RNASET2: variants seen among roughly 807,000 people sequenced by gnomAD.
RNASET2 encodes ribonuclease 6.
Under a neutral mutation model 33.9 loss-of-function variants are expected in RNASET2, and 28 were observed. That is an observed-to-expected ratio of 0.83 (90% CI 0.61 to 1.13). The LOEUF is 1.13. Among genes scored for constraint, RNASET2 ranks in the 50% most tolerant of loss-of-function variants. The pLI is 0.00. For synonymous variants in RNASET2, 123 were observed against 121.0 expected (o/e 1.02, Z -0.11); for missense variants, 330 against 319.9 (o/e 1.03, Z -0.24).
In RNASET2 at chr6:166,931,123, T is replaced by G; in HGVS notation, c.493-5A>C. On this transcript the variant is annotated splice_polypyrimidine_tract_variant and splice_region_variant and intron_variant, in intron 7 of 8. Coordinates refer to ENST00000508775, the MANE Select transcript of RNASET2 (RefSeq NM_003730.6). ...GGCATCTTTAAAATCTGCAACCTGA[T>G]TTTAAATACAAGTGTATTAGAAATT... 1.3e-6 allele frequency: 2 copies of G among 1,585,132 alleles called. No individual in the cohort carries two copies. The highest frequency in any genetic ancestry group is 1.3e-5 in the African/African-American group (1 of 74,192).
At position 166,944,578 on chromosome 6, in the gene RNASET2, C is replaced by G. The variant is rs935290661; in HGVS notation, c.262-1489G>C. On this transcript the variant is annotated intron_variant, in intron 4 of 8. Coordinates refer to ENST00000508775, the MANE Select transcript of RNASET2 (RefSeq NM_003730.6). ...ATTGAGTGTGCAAATTGGGCTACTTCCGTTTGGGACAATGCAAAGGTGTTC... is the reference window on the plus strand; with the variant it reads ...ATTGAGTGTGCAAATTGGGCTACTTGCGTTTGGGACAATGCAAAGGTGTTC... 5.9e-5 allele frequency among the ~76,000 whole-genome samples: 9 copies of G among 151,296 alleles called. No homozygotes were observed. In the Admixed American group the frequency reaches 5.9e-4, roughly 10 times the overall value.
intron 1 of RNASET2, among the ~76,000 whole-genome samples, chr6:166,955,079 A>G (rs1779074044): frequency 6.6e-6 from 1 of 152,230 alleles, no homozygotes; most frequent in East Asian, 1.9e-4. Flanking sequence ...AATAGAAAGA[A>G]ATAATATGGT....
In RNASET2 at chr6:166,929,536, G is replaced by C; in HGVS notation, c.*52C>G. 1 of 1,579,850 alleles carries C rather than the reference G, an allele frequency of 6.3e-7. No individual in the cohort carries two copies. ...TGGAGTTGTTTTTTAGAAAGCTGCA[G>C]TTTGTGAATTTCTCTTGCTTTTTAA... On this transcript the variant is annotated 3_prime_UTR_variant, in exon 9 of 9. Transcript: ENST00000508775.
In RNASET2 at chr6:166,933,208, C is replaced by T. The variant is rs190271865; in HGVS notation, c.492+883G>A. Reference sequence around the variant, plus strand: ...AAGGCAAGAGTCTGCAAACATTTTCCGTAAAGGTCCACGTCGTAAATATCC... The same window carrying T: ...AAGGCAAGAGTCTGCAAACATTTTCTGTAAAGGTCCACGTCGTAAATATCC... On this transcript the variant is annotated intron_variant, in intron 7 of 8. Transcript: ENST00000508775. The surrounding 1 kb of genome is among the most constrained non-coding windows in gnomAD (Gnocchi z 4.1). 1.9e-4 allele frequency among the ~76,000 whole-genome samples: 29 copies of T among 152,274 alleles called. No homozygotes were observed. The highest frequency in any genetic ancestry group is 7.2e-4 in the Admixed American group (11 of 15,302).
intron 5 of RNASET2, among the ~76,000 whole-genome samples, chr6:166,939,842 T>C (rs1778655482): frequency 6.6e-6 from 1 of 152,364 alleles, no homozygotes; most frequent in Admixed American, 6.5e-5. Context: ...TGAACAGCAA[T>C]TTGTATTCCA....
chr6:166,943,606 T>C lies in RNASET2; in HGVS notation c.262-517A>G, dbSNP rs944778213. The stretch of plus-strand genomic sequence containing the variant: ...GGCCAGCGGCTGCTCCAGAGCACAC[T>C]GGGTGGGACTTGCTCTCCTGCATTT... On this transcript the variant is annotated intron_variant, in intron 4 of 8. Coordinates refer to ENST00000508775, the MANE Select transcript of RNASET2 (RefSeq NM_003730.6). The C allele has an allele frequency of 1.0e-4, 36 of 349,822 alleles. 1 individual carries two copies. Among genetic ancestry groups the C allele is most frequent in the Non-Finnish European group, 1.8e-4 (31 of 175,226 alleles). 21.7% of individuals were successfully genotyped at this position (349,822 alleles called of 1,614,324 possible).
In RNASET2 at chr6:166,923,612, C is replaced by G; in HGVS notation, c.*5976G>C. On this transcript the variant is annotated 3_prime_UTR_variant, in exon 9 of 9. Coordinates refer to ENST00000508775, the MANE Select transcript of RNASET2 (RefSeq NM_003730.6). ...AAATGGAAGGCCCATTACAGTCACT[C>G]AGAAAAAAAAAATAGAATTCTTATC... Among the ~76,000 whole-genome samples the G allele has an allele frequency of 6.7e-6, 1 of 150,172 alleles. No homozygotes were observed. Among genetic ancestry groups the G allele is most frequent in the East Asian group, 1.9e-4 (1 of 5,154 alleles).
At chr6:166,947,904 AAATTT>A (rs1286904997) in intron 3 of RNASET2, among the ~76,000 whole-genome samples, 5 of 152,180 alleles carry the variant, frequency 3.3e-5, no homozygotes, top group African/African-American at 1.2e-4. Flanking sequence ...CCAGAATAAT[AAATTT>A]GAGTGTCTCT....
intron 6 of RNASET2, chr6:166,938,656 C>T (rs1325308289): frequency 2.7e-6 from 2 of 743,816 alleles, no homozygotes; most frequent in Admixed American, 1.7e-5. Flanking sequence ...GAGATGGTGC[C>T]CAGATGGGCA....
intron 6 of RNASET2, among the ~76,000 whole-genome samples, chr6:166,936,109 A>G (rs1036019685): frequency 1.3e-5 from 2 of 152,268 alleles, no homozygotes; most frequent in Non-Finnish European, 1.5e-5. Context: ...AGGCACTAAG[A>G]ATTATAGATT....
In RNASET2 at chr6:166,956,402, G is replaced by A. The variant is rs1779168166; in HGVS notation, c.-220C>T. On this transcript the variant is annotated 5_prime_UTR_variant, in exon 1 of 9. Transcript: ENST00000508775. The stretch of plus-strand genomic sequence containing the variant: ...CCGGGCTCCGGGAATGGCCGCAGCA[G>A]CCCTGGCGACCCGGGCCCCTCGGAG... 1 of 585,712 alleles carries A rather than the reference G, an allele frequency of 1.7e-6. No individual in the cohort carries two copies. The highest frequency in any genetic ancestry group is 3.0e-6 in the Non-Finnish European group (1 of 328,924). 36.3% of individuals were successfully genotyped at this position (585,712 alleles called of 1,614,324 possible).
intron 4 of RNASET2, among the ~76,000 whole-genome samples, chr6:166,946,070 C>T (rs2769343): frequency 0.36 from 54,908 of 151,898 alleles, 10,364 homozygotes; most frequent in East Asian, 0.5. Context: ...AAGATGAGGG[C>T]GTGTGTGTGA....
chr6:166,951,143 A>G (rs7741704), intron 2 of RNASET2, among the ~76,000 whole-genome samples: 26,788 of 152,194 alleles, frequency 0.18, 3,011 homozygotes, highest in African/African-American at 0.32. Flanking sequence ...CACTGGACAG[A>G]GGGCCCTTCC....
At position 166,956,135 on chromosome 6, in the gene RNASET2, C is replaced by T. The variant is rs750376400; in HGVS notation, c.48G>A (p.Leu16=). 3.2e-6 allele frequency: 5 copies of T among 1,551,638 alleles called. No homozygotes were observed. The South Asian group carries it at 4.8e-5, about 15-fold the overall frequency. The change falls in exon 1 of 9, where the codon CTG becomes CTA. Residue 16 remains leucine, a synonymous_variant. Coordinates refer to ENST00000508775, the MANE Select transcript of RNASET2 (RefSeq NM_003730.6). ...CCGCACCGCCCAGGCAAAGCAACGC[C>T]AGGCAGAGGCAGCCCAGCAGGGCCC... ...LRGALLGCLC[L]ALLCLGGADK...
Position 166,931,530 on chromosome 6 carries a change from C to T in RNASET2, c.493-412G>A, listed in dbSNP as rs897805834. On this transcript the variant is annotated intron_variant, in intron 7 of 8. Coordinates refer to ENST00000508775, the MANE Select transcript of RNASET2 (RefSeq NM_003730.6). The stretch of plus-strand genomic sequence containing the variant: ...TCCACTCTGAAGTATCTCTCTCTCC[C>T]GACCCCCTCCCCACGGTGGACACAT... 30 of 238,476 alleles carry T rather than the reference C, an allele frequency of 1.3e-4. No individual in the cohort carries two copies. The Admixed American group carries it at 1.5e-3, about 12-fold the overall frequency. The allele number at this position is 238,476 out of a possible 1,614,324, so 14.8% of individuals were successfully genotyped here.
rs1270426810 is a variant in RNASET2 at position 166,927,708 on chromosome 6, T to C, written c.*1880A>G. Among the ~76,000 whole-genome samples the C allele has an allele frequency of 3.1e-5, 2 of 65,536 alleles. No homozygotes were observed. The highest frequency in any genetic ancestry group is 1.0e-4 in the African/African-American group (1 of 9,822). The allele number at this position is 65,536 out of a possible 152,430, so 43.0% of individuals were successfully genotyped here. A position where few individuals can be genotyped will look rare whatever the true frequency, so the allele number is the denominator to read the frequency against. Reference sequence around the variant, plus strand: ...AGCCTTGATCCCTGTGTTCGCAAAATGACTCAAAAAAAAAAAAAAAAAAAA... The same window carrying C: ...AGCCTTGATCCCTGTGTTCGCAAAACGACTCAAAAAAAAAAAAAAAAAAAA... On this transcript the variant is annotated 3_prime_UTR_variant, in exon 9 of 9. Coordinates refer to ENST00000508775, the MANE Select transcript of RNASET2 (RefSeq NM_003730.6).
intron 2 of RNASET2, among the ~76,000 whole-genome samples, chr6:166,949,017 C>A (rs1335292031): frequency 1.3e-5 from 2 of 151,954 alleles, no homozygotes; most frequent in East Asian, 3.9e-4. Flanking sequence ...GAGTTCCAGA[C>A]CAGCCTGGCC....
chr6:166,955,334 C>T (rs571694833), intron 1 of RNASET2: 1 of 100,116 alleles, frequency 1.0e-5, no homozygotes, highest in Non-Finnish European at 1.4e-5. Flanking sequence ...CACGCACGCA[C>T]GCACACGCAC....
At chr6:166,936,698 C>T (rs79843628) in intron 6 of RNASET2, among the ~76,000 whole-genome samples, 6,497 of 152,284 alleles carry the variant, frequency 0.043, 203 homozygotes, top group Middle Eastern at 0.082. Flanking sequence ...GATCCTTCCC[C>T]GCAGCTCAAA....
Sources: allele counts gnomAD v4.1 joint callset (sites outside exome capture counted in the v4.1 genomes callset), GRCh38; gene constraint gnomAD v4.1.1; non-coding constraint Gnocchi (gnomAD v3.1); transcripts MANE v1.5; gene names NCBI Gene and HGNC (gene_info 2026-07-23, HGNC 2026-07-21).